SVEP1: variants seen among roughly 807,000 people sequenced by gnomAD.
SVEP1 encodes the protein sushi, von Willebrand factor type A, EGF and pentraxin domain-containing protein 1.
Under a neutral mutation model 367.3 loss-of-function variants are expected in SVEP1, and 164 were observed. The observed-to-expected ratio is 0.45, with a 90% confidence interval of 0.39 to 0.51. SVEP1 has a LOEUF of 0.51. Ranked by LOEUF, SVEP1 falls within the 20% of genes least tolerant of loss-of-function variation. The pLI, the probability that SVEP1 is intolerant of heterozygous loss-of-function variation, is 0.00. For synonymous variants in SVEP1, 1,666 were observed against 1,611.6 expected, an observed-to-expected ratio of 1.03 and a Z score of -0.81; for missense variants, 4,117 against 4,425.3, an observed-to-expected ratio of 0.93 and a Z score of 1.98.
chr9:110,390,265 A>G (rs10980360), intron 40 of SVEP1, among the ~76,000 whole-genome samples: 57,814 of 83,422 alleles, frequency 0.69, 20,812 homozygotes, highest in African/African-American at 0.74. Flanking sequence ...ATAAGTATGT[A>G]TATATATACT....
intron 1 of SVEP1, among the ~76,000 whole-genome samples, chr9:110,574,487 A>T (rs955165280): frequency 1.3e-5 from 2 of 152,214 alleles, no homozygotes; most frequent in African/African-American, 4.8e-5. Context: ...TGAAACGTAC[A>T]AAGTTTCAGG....
intron 31 of SVEP1, 92 bp from the exon 32 acceptor site, chr9:110,432,126 G>T: frequency 1.5e-6 from 2 of 1,328,894 alleles, no homozygotes; most frequent in African/African-American, 1.5e-5. Flanking sequence ...TACATATCAC[G>T]TAATGCACAA....
At chr9:110,410,970 G>C (rs548868084) in intron 37 of SVEP1, 93 bp downstream of exon 37, 312 of 1,125,278 alleles carry the variant, frequency 2.8e-4, no homozygotes, top group Middle Eastern at 1.2e-3. Context: ...TAGTGAACTT[G>C]GCAGTGTTTG....
chr9:110,554,727 C>CGTGT (rs147546940), intron 1 of SVEP1, among the ~76,000 whole-genome samples: 8,096 of 148,610 alleles, frequency 0.054, 374 homozygotes, highest in African/African-American at 0.13. Context: ...TATAGATGTG[C>CGTGT]GTGTGTGTGT....
chr9:110,378,955 CCAA>C lies in SVEP1; in HGVS notation c.10408+389_10408+391del, dbSNP rs555498489. On this transcript the variant is annotated intron_variant, in intron 44 of 47. Coordinates refer to ENST00000374469, the MANE Select transcript of SVEP1 (RefSeq NM_153366.4). ...TCTGAACAGTTTGTGGTCAACTCAT[CCAA>C]CAACTCAATTATTTAGTTCCTTGGT... Among the ~76,000 whole-genome samples the C allele has an allele frequency of 5.5e-3, 829 of 151,618 alleles. 6 individuals are homozygous for C. The highest frequency in any genetic ancestry group is 0.019 in the African/African-American group (781 of 41,366).
intron 9 of SVEP1, among the ~76,000 whole-genome samples, chr9:110,488,014 T>C (rs898945067): frequency 3.3e-5 from 5 of 152,130 alleles, no homozygotes; most frequent in Non-Finnish European, 5.9e-5. Context: ...TAAACCAGGC[T>C]CAAAAGATTT....
chr9:110,396,746 A>AATGGATAGC (rs1564129999), intron 40 of SVEP1, among the ~76,000 whole-genome samples: 96 of 152,042 alleles, frequency 6.3e-4, no homozygotes, highest in Admixed American at 2.5e-3. Context: ...AATCTAGAAG[A>AATGGATAGC]AATGGATAAA....
intron 3 of SVEP1, among the ~76,000 whole-genome samples, chr9:110,517,367 G>A (rs1829818207): frequency 6.6e-6 from 1 of 152,038 alleles, no homozygotes; most frequent in Non-Finnish European, 1.5e-5. Context: ...GGAGGTCGAG[G>A]TGGGTGGATC....
chr9:110,547,640 G>C lies in SVEP1; in HGVS notation c.788-1349C>G, dbSNP rs1830236753. Among the ~76,000 whole-genome samples, 3 of 152,156 alleles carry C rather than the reference G, an allele frequency of 2.0e-5. No homozygotes were observed. In the South Asian group the frequency reaches 6.2e-4, roughly 32 times the overall value. On this transcript the variant is annotated intron_variant, in intron 2 of 47. Coordinates refer to ENST00000374469, the MANE Select transcript of SVEP1 (RefSeq NM_153366.4). ...TCAAGACTAGTGTACCAGCATTCAGGTCTGGAAGAGAGATAAGTGGAGGAG... is the reference window on the plus strand; with the variant it reads ...TCAAGACTAGTGTACCAGCATTCAGCTCTGGAAGAGAGATAAGTGGAGGAG...
At chr9:110,548,550 C>T (rs1328385833) in intron 2 of SVEP1, among the ~76,000 whole-genome samples, 1 of 151,888 alleles carries the variant, frequency 6.6e-6, no homozygotes, top group East Asian at 1.9e-4. Context: ...TATGTAAAAA[C>T]AAAACAAACA....
In SVEP1 at chr9:110,497,521, T is replaced by C. The variant is rs190387760; in HGVS notation, c.1682-588A>G. The stretch of plus-strand genomic sequence containing the variant: ...GTCTTATATGGTACCTGACATATCA[T>C]AGGAGCTTGAGAAATATTTTTTGAA... On this transcript the variant is annotated intron_variant, in intron 7 of 47. Coordinates refer to ENST00000374469, the MANE Select transcript of SVEP1 (RefSeq NM_153366.4). 2.5e-3 allele frequency among the ~76,000 whole-genome samples: 388 copies of C among 152,358 alleles called. 1 individual carries two copies. The highest frequency in any genetic ancestry group is 4.3e-3 in the South Asian group (21 of 4,830).
chr9:110,366,866 A>G (rs1827209836), intron 47 of SVEP1, among the ~76,000 whole-genome samples: 1 of 152,216 alleles, frequency 6.6e-6, no homozygotes, highest in Non-Finnish European at 1.5e-5. Flanking sequence ...TAATGAACCT[A>G]AAGGTCTCTT....
intron 12 of SVEP1, among the ~76,000 whole-genome samples, chr9:110,480,810 T>A (rs991953018): frequency 9.3e-5 from 14 of 150,776 alleles, no homozygotes; most frequent in African/African-American, 1.7e-4. Flanking sequence ...TTTTTTTTTT[T>A]AATATTTTTG....
intron 2 of SVEP1, among the ~76,000 whole-genome samples, chr9:110,546,733 A>G (rs548710713): frequency 6.6e-6 from 1 of 152,290 alleles, no homozygotes; most frequent in East Asian, 1.9e-4. Context: ...ATCACTGCAC[A>G]GAGATGTTAA....
At chr9:110,372,720 G>A (rs144947665) in intron 46 of SVEP1, among the ~76,000 whole-genome samples, 23 of 151,556 alleles carry the variant, frequency 1.5e-4, no homozygotes, top group Non-Finnish European at 2.6e-4. Flanking sequence ...GCAAATGTAA[G>A]GAGATTGGGG....
chr9:110,388,622 C>T (rs1827564087), intron 41 of SVEP1, among the ~76,000 whole-genome samples: 1 of 151,732 alleles, frequency 6.6e-6, no homozygotes, highest in Admixed American at 6.6e-5. Flanking sequence ...ATGCTGAGAT[C>T]ACAGATCTTA....
chr9:110,388,432 C>A (rs73655336), intron 41 of SVEP1, among the ~76,000 whole-genome samples: 1 of 151,926 alleles, frequency 6.6e-6, no homozygotes. Context: ...CAAGTTTGGC[C>A]GTACCTTAGA....
intron 18 of SVEP1, 36 bp downstream of exon 18, chr9:110,465,829 G>A (rs757803157): frequency 1.3e-6 from 2 of 1,598,088 alleles, no homozygotes; most frequent in Admixed American, 1.7e-5. Context: ...AACCTAGTAG[G>A]TTTAAAGAAA....
At chr9:110,540,571 G>A (rs1472579533) in intron 3 of SVEP1, among the ~76,000 whole-genome samples, 1 of 152,092 alleles carries the variant, frequency 6.6e-6, no homozygotes, top group East Asian at 1.9e-4. Context: ...AAGGAGTAAT[G>A]TAACATCAAG....
Sources: gnomAD v4.1 joint callset for allele counts (sites outside exome capture counted in the v4.1 genomes callset) on GRCh38, gnomAD v4.1.1 for gene constraint, MANE v1.5 for transcripts, NCBI Gene and HGNC (gene_info 2026-07-23, HGNC 2026-07-21) for gene names.